The following USP45 variants were observed in gnomAD, a reference collection of about 807,000 sequenced individuals.
USP45 encodes the protein ubiquitin carboxyl-terminal hydrolase 45.
Under a neutral mutation model 95.8 loss-of-function variants are expected in USP45, and 89 were observed. The ratio of observed to expected loss-of-function variants is 0.93; its 90% CI spans 0.78 to 1.11. The LOEUF (loss-of-function observed/expected upper bound fraction) is 1.11. Among genes scored for constraint, USP45 ranks in the 50% least tolerant of loss-of-function variants. The pLI, the probability that USP45 is intolerant of heterozygous loss-of-function variation, is 0.00. For synonymous variants in USP45, 281 were observed against 316.2 expected, an observed-to-expected ratio of 0.89 and a Z score of 1.18; for missense variants, 898 against 942.5, an observed-to-expected ratio of 0.95 and a Z score of 0.62.
Position 99,452,825 on chromosome 6 carries a change from C to T in USP45, c.1309-6362G>A, listed in dbSNP as rs188095407. On this transcript the variant is annotated intron_variant, in intron 13 of 17. Transcript: ENST00000500704. ...GGATTAAGAAAATGTGGCACATATA[C>T]ACCATGGAATACTATGCAGCCATAA... Among the ~76,000 whole-genome samples, 454 of 152,270 alleles carry T rather than the reference C, an allele frequency of 3.0e-3. 1 individual carries two copies. The highest frequency in any genetic ancestry group is 5.7e-3 in the Non-Finnish European group (386 of 68,014).
chr6:99,487,821 C>T (rs1027009243), intron 7 of USP45, among the ~76,000 whole-genome samples: 20 of 151,828 alleles, frequency 1.3e-4, no homozygotes, highest in African/African-American at 4.4e-4. Context: ...CCTTTAGATG[C>T]TCACTATTAA....
chr6:99,468,379 T>C (rs1788501122), intron 10 of USP45, among the ~76,000 whole-genome samples, 158 bp downstream of exon 10: 2 of 152,130 alleles, frequency 1.3e-5, no homozygotes, highest in African/African-American at 4.8e-5. Flanking sequence ...TTTTCTATGT[T>C]CCACTAAAGT....
chr6:99,455,089 C>CAA (rs56978977), intron 13 of USP45, among the ~76,000 whole-genome samples: 51,988 of 125,514 alleles, frequency 0.41, 11,110 homozygotes, highest in Non-Finnish European at 0.51. Flanking sequence ...CACTCCATCT[C>CAA]AAAAAAAAAA....
At chr6:99,437,496 T>C (rs1007254261) in intron 16 of USP45, 97 bp from the exon 17 acceptor site, 17 of 1,241,430 alleles carry the variant, frequency 1.4e-5, no homozygotes, top group African/African-American at 1.2e-4. Flanking sequence ...ATAAGAAAAA[T>C]GCATAGTAAA....
At chr6:99,435,938 T>G in intron 17 of USP45, 92 bp from the exon 18 acceptor site, 5 of 1,282,894 alleles carry the variant, frequency 3.9e-6, no homozygotes, top group Non-Finnish European at 4.2e-6. Context: ...TTACAAACTC[T>G]ATCTAATGCC....
chr6:99,499,463 T>C (rs1796960351), intron 5 of USP45, among the ~76,000 whole-genome samples: 3 of 152,210 alleles, frequency 2.0e-5, no homozygotes, highest in South Asian at 2.1e-4. Context: ...AGGCACAATA[T>C]GGCAAACTAT....
chr6:99,480,093 T>C (rs1791993732), intron 8 of USP45, among the ~76,000 whole-genome samples: 1 of 152,152 alleles, frequency 6.6e-6, no homozygotes, highest in East Asian at 1.9e-4. Context: ...TCAACTGTAT[T>C]TCTGTATATT....
chr6:99,448,269 A>G (rs1279119786), intron 13 of USP45, among the ~76,000 whole-genome samples: 1 of 152,180 alleles, frequency 6.6e-6, no homozygotes, highest in African/African-American at 2.4e-5. Flanking sequence ...TTCGAACCCA[A>G]TGCAAATAAG....
chr6:99,516,892 T>C (rs1041092073), upstream of USP45, among the ~76,000 whole-genome samples: 5 of 152,192 alleles, frequency 3.3e-5, no homozygotes, highest in African/African-American at 1.2e-4. Flanking sequence ...GATTGATTTT[T>C]TAAAAGGGAT....
intron 7 of USP45, among the ~76,000 whole-genome samples, chr6:99,486,820 GACTTACAC>G (rs1794009379): frequency 6.6e-6 from 1 of 151,760 alleles, no homozygotes; most frequent in Admixed American, 6.6e-5. Flanking sequence ...CATATACTCT[GACTTACAC>G]ACTTACACAC....
intron 7 of USP45, among the ~76,000 whole-genome samples, chr6:99,487,749 C>A (rs1226483885): frequency 1.3e-5 from 2 of 151,644 alleles, no homozygotes; most frequent in Non-Finnish European, 2.9e-5. Context: ...GAGCTGAGAT[C>A]GCGCCACTGC....
intron 13 of USP45, among the ~76,000 whole-genome samples, chr6:99,448,766 C>A (rs1401435773): frequency 2.6e-5 from 4 of 152,146 alleles, no homozygotes; most frequent in Non-Finnish European, 5.9e-5. Context: ...ATGTTAAGGG[C>A]AGCCAGAGAG....
intron 13 of USP45, among the ~76,000 whole-genome samples, chr6:99,460,138 T>C (rs1051439900): frequency 6.6e-6 from 1 of 152,232 alleles, no homozygotes; most frequent in Non-Finnish European, 1.5e-5. Flanking sequence ...TTTCCTTACC[T>C]GATGCTTATC....
chr6:99,435,885 T>C (rs565974686), intron 17 of USP45, 39 bp from the exon 18 acceptor site: 3 of 1,575,350 alleles, frequency 1.9e-6, no homozygotes, highest in East Asian at 4.6e-5. Context: ...AAAGTAAGTA[T>C]GCTTTAGGTT....
chr6:99,494,923 T>C (rs1450789844), intron 5 of USP45, among the ~76,000 whole-genome samples: 1 of 151,912 alleles, frequency 6.6e-6, no homozygotes, highest in Non-Finnish European at 1.5e-5. Flanking sequence ...AGTTCAAGGA[T>C]ATTAAATCAT....
upstream of USP45, among the ~76,000 whole-genome samples, chr6:99,516,011 T>C (rs1236493245): frequency 6.6e-6 from 1 of 151,904 alleles, no homozygotes; most frequent in Non-Finnish European, 1.5e-5. Context: ...TCTCCTGACC[T>C]TGTGATCCGC....
intron 13 of USP45, among the ~76,000 whole-genome samples, chr6:99,456,175 G>C (rs1160900705): frequency 6.7e-6 from 1 of 148,812 alleles, no homozygotes; most frequent in Non-Finnish European, 1.5e-5. Flanking sequence ...TGAAAGTAGA[G>C]AGTAGAATGA....
chr6:99,483,873 C>T (rs988978950), intron 7 of USP45, among the ~76,000 whole-genome samples: 6 of 145,478 alleles, frequency 4.1e-5, no homozygotes, highest in Admixed American at 2.1e-4. Flanking sequence ...AGAATGTTAT[C>T]TTCCAAGATA....
In USP45 at chr6:99,508,675, T is replaced by A; in HGVS notation, c.208A>T (p.Arg70Ter). The change falls in exon 3 of 18, where the codon AGA (arginine) becomes TGA (stop). Residue 70 changes from arginine to a stop codon, truncating the protein, a stop_gained. Transcript: ENST00000500704. LOFTEE classifies it high-confidence loss of function. ...AGTACTAGCTGCCCATCATAGAATCTTCTTTCTTTTAAACATTCTGAGCAA... is the reference window on the plus strand; with the variant it reads ...AGTACTAGCTGCCCATCATAGAATCATCTTTCTTTTAAACATTCTGAGCAA... Reference protein sequence around the residue: ...SVCSECLKERRFYDGQLVLTS... With the variant: ...SVCSECLKER 6.2e-7 allele frequency: 1 copy of A among 1,613,962 alleles called. No individual in the cohort carries two copies. The highest frequency in any genetic ancestry group is 8.5e-7 in the Non-Finnish European group (1 of 1,179,976).
Sources: gnomAD v4.1 joint callset for allele counts (sites outside exome capture counted in the v4.1 genomes callset) on GRCh38, gnomAD v4.1.1 for gene constraint, MANE v1.5 for transcripts, NCBI Gene and HGNC (gene_info 2026-07-23, HGNC 2026-07-21) for gene names.